MAF: variants seen among roughly 807,000 people sequenced by gnomAD.
MAF encodes MAF bZIP transcription factor.
Under a neutral mutation model 22.0 loss-of-function variants are expected in MAF, and 10 were observed. The ratio of observed to expected loss-of-function variants is 0.45; its 90% CI spans 0.28 to 0.77. MAF has a LOEUF of 0.77. MAF is among the 30% of genes least tolerant of loss of function. The pLI, the probability that MAF is intolerant of heterozygous loss-of-function variation, is 0.12. For missense variants in MAF, 544 were observed against 548.4 expected (o/e 0.99, Z 0.08); for synonymous variants, 337 against 255.8 (o/e 1.32, Z -3.03).
chr16:79,318,694 C>T, the MAF span, among the ~76,000 whole-genome samples: 1 of 152,184 alleles, frequency 6.6e-6, no homozygotes, highest in African/African-American at 2.4e-5. Context: ...ATCTGCATGA[C>T]ACATCCTGTC....
chr16:79,462,242 T>C, the MAF span, among the ~76,000 whole-genome samples: 4 of 152,208 alleles, frequency 2.6e-5, no homozygotes, highest in Non-Finnish European at 5.9e-5. Context: ...CTGATTTCAT[T>C]TCTTCCCACC....
At chr16:79,477,516 C>G in the MAF span, among the ~76,000 whole-genome samples, 1 of 152,176 alleles carries the variant, frequency 6.6e-6, no homozygotes, top group Non-Finnish European at 1.5e-5. Context: ...AGGAGAGGAA[C>G]TAAGTATTTA....
the MAF span, among the ~76,000 whole-genome samples, chr16:79,254,334 C>T: frequency 6.6e-6 from 1 of 151,890 alleles, no homozygotes; most frequent in East Asian, 1.9e-4. Flanking sequence ...CAATATTTTT[C>T]TTTGTTATTA....
chr16:79,286,766 A>G, the MAF span, among the ~76,000 whole-genome samples: 1 of 152,180 alleles, frequency 6.6e-6, no homozygotes, highest in East Asian at 1.9e-4. Flanking sequence ...CCGTTCTCAC[A>G]TGGCCGTATC....
chr16:79,454,843 T>C, the MAF span, among the ~76,000 whole-genome samples: 1 of 152,138 alleles, frequency 6.6e-6, no homozygotes, highest in Non-Finnish European at 1.5e-5. Flanking sequence ...ATGCCTGTAA[T>C]CCCAGCACTT....
the MAF span, among the ~76,000 whole-genome samples, chr16:79,453,680 T>A: frequency 2.0e-5 from 3 of 152,224 alleles, no homozygotes; most frequent in Admixed American, 2.0e-4. Context: ...GATTTCTGGA[T>A]AGGTCGGTCA....
chr16:79,585,421 T>C (rs761690580), downstream of MAF, among the ~76,000 whole-genome samples: 1 of 151,982 alleles, frequency 6.6e-6, no homozygotes, highest in Admixed American at 6.6e-5. Flanking sequence ...TATAAGTGAC[T>C]GTAAATTTGA....
At chr16:79,316,091 G>C in the MAF span, among the ~76,000 whole-genome samples, 1 of 152,212 alleles carries the variant, frequency 6.6e-6, no homozygotes, top group Non-Finnish European at 1.5e-5. Flanking sequence ...ATTATGCAAA[G>C]CATGGGTTTA....
the MAF span, among the ~76,000 whole-genome samples, chr16:79,282,060 T>G: frequency 1.3e-5 from 2 of 151,996 alleles, no homozygotes; most frequent in Non-Finnish European, 2.9e-5. Context: ...ACCATCACTA[T>G]GGGAGGCCGA....
the MAF span, among the ~76,000 whole-genome samples, chr16:79,325,191 G>T: frequency 2.4e-4 from 36 of 152,202 alleles, no homozygotes; most frequent in East Asian, 6.8e-3. Flanking sequence ...TTCTTGGGGT[G>T]GGGGAACACC....
At chr16:79,569,635 G>C in the MAF span, among the ~76,000 whole-genome samples, 2 of 152,208 alleles carry the variant, frequency 1.3e-5, no homozygotes, top group Non-Finnish European at 2.9e-5. Flanking sequence ...TTTAGAACTC[G>C]TGCCTTAGAA....
At chr16:79,571,272 C>G in the MAF span, among the ~76,000 whole-genome samples, 1 of 152,078 alleles carries the variant, frequency 6.6e-6, no homozygotes, top group Non-Finnish European at 1.5e-5. Context: ...CTTGAAGAAT[C>G]AGCTCCACCC....
At chr16:79,509,783 AG>A in the MAF span, among the ~76,000 whole-genome samples, 75 of 152,326 alleles carry the variant, frequency 4.9e-4, no homozygotes, top group African/African-American at 1.5e-3. Flanking sequence ...TATCCACAAA[AG>A]CACCAAACTT....
chr16:79,541,977 T>TA, the MAF span, among the ~76,000 whole-genome samples: 1 of 152,038 alleles, frequency 6.6e-6, no homozygotes, highest in African/African-American at 2.4e-5. Flanking sequence ...TTTGAATGAT[T>TA]AAAAAACAGG....
At chr16:79,447,944 A>AT in the MAF span, among the ~76,000 whole-genome samples, 1 of 151,228 alleles carries the variant, frequency 6.6e-6, no homozygotes, top group Non-Finnish European at 1.5e-5. Flanking sequence ...GCCTGAAGAT[A>AT]TGACTGAATT....
chr16:79,260,591 T>C, the MAF span, among the ~76,000 whole-genome samples: 44 of 152,186 alleles, frequency 2.9e-4, no homozygotes, highest in African/African-American at 9.9e-4. Context: ...AATACAGAAA[T>C]TGTGCTTGAC....
At chr16:79,311,154 C>T in the MAF span, among the ~76,000 whole-genome samples, 1 of 152,176 alleles carries the variant, frequency 6.6e-6, no homozygotes, top group East Asian at 1.9e-4. Flanking sequence ...AGGCTCTCTC[C>T]CTCCCGCAGC....
At chr16:79,217,109 G>A in the MAF span, among the ~76,000 whole-genome samples, 1 of 152,164 alleles carries the variant, frequency 6.6e-6, no homozygotes, top group East Asian at 1.9e-4. Flanking sequence ...CGCACCCGGT[G>A]TCATCTGCTA....
the MAF span, among the ~76,000 whole-genome samples, chr16:79,290,511 A>C: frequency 6.6e-6 from 1 of 152,144 alleles, no homozygotes; most frequent in Non-Finnish European, 1.5e-5. Flanking sequence ...ACTGAGTTTT[A>C]ATCCAGGGAC....
Sources: gnomAD v4.1 joint callset for allele counts (sites outside exome capture counted in the v4.1 genomes callset) on GRCh38, gnomAD v4.1.1 for gene constraint, MANE v1.5 for transcripts, NCBI Gene and HGNC (gene_info 2026-07-23, HGNC 2026-07-21) for gene names.